Variants in MAP7D3 observed in about 807,000 individuals in gnomAD.
MAP7D3 encodes the protein MAP7 domain containing 3, also known as MAP7 domain-containing protein 3.
Under a neutral mutation model 62.2 loss-of-function variants are expected in MAP7D3, and 45 were observed. The ratio of observed to expected loss-of-function variants is 0.72; its 90% CI spans 0.57 to 0.93. The LOEUF (loss-of-function observed/expected upper bound fraction) is 0.93. Among genes scored for constraint, MAP7D3 ranks in the 40% least tolerant of loss-of-function variants. MAP7D3 has a pLI of 0.00. For synonymous variants in MAP7D3, 288 were observed against 248.8 expected (o/e 1.16, Z -1.48); for missense variants, 711 against 683.1 (o/e 1.04, Z -0.45).
At chrX:136,224,937 G>T in intron 13 of MAP7D3, 57 bp from the exon 14 acceptor site, 1 of 818,897 alleles carries the variant, frequency 1.2e-6, no homozygotes, top group Non-Finnish European at 1.8e-6. Flanking sequence ...CCAAACAGTT[G>T]TCCTAAAGGA....
chrX:136,250,283 C>T (rs1164653797), intron 1 of MAP7D3, among the ~76,000 whole-genome samples: 1 of 111,961 alleles, frequency 8.9e-6, no homozygotes, highest in Non-Finnish European at 1.9e-5. Context: ...AAAAAAACCC[C>T]TAAGAAATTC....
intron 1 of MAP7D3, among the ~76,000 whole-genome samples, chrX:136,250,236 C>G (rs2148425525): frequency 8.9e-6 from 1 of 111,991 alleles, no homozygotes; most frequent in South Asian, 3.7e-4. Context: ...ATATAGCTTC[C>G]CAATCGTAAA....
intron 7 of MAP7D3, among the ~76,000 whole-genome samples, chrX:136,234,066 G>A (rs1393204956): frequency 9.0e-6 from 1 of 110,632 alleles, no homozygotes; most frequent in Non-Finnish European, 1.9e-5. Context: ...AAAGAAATAA[G>A]GCTGCAGTAC....
chrX:136,242,602 G>A (rs2074402059), intron 4 of MAP7D3, among the ~76,000 whole-genome samples: 1 of 111,029 alleles, frequency 9.0e-6, no homozygotes, highest in Non-Finnish European at 1.9e-5. Context: ...CATGTCTGTG[G>A]CTCCCTTTCT....
upstream of MAP7D3, among the ~76,000 whole-genome samples, chrX:136,252,239 C>T (rs1031137961): frequency 1.8e-5 from 2 of 110,972 alleles, no homozygotes; most frequent in African/African-American, 3.3e-5. Flanking sequence ...GGGGCTGGAC[C>T]ACTTGTGAGA....
intron 11 of MAP7D3, among the ~76,000 whole-genome samples, chrX:136,227,756 G>A (rs748919337): frequency 9.0e-6 from 1 of 110,957 alleles, no homozygotes; most frequent in South Asian, 3.9e-4. Flanking sequence ...TTCTTTACAC[G>A]TGCTCACACC....
downstream of MAP7D3, chrX:136,213,523 T>C (rs892731993): frequency 1.4e-4 from 15 of 110,949 alleles, no homozygotes; most frequent in African/African-American, 4.6e-4. Flanking sequence ...ATTTCTACTT[T>C]GCAGAATCCC....
At chrX:136,226,045 C>T in intron 12 of MAP7D3, 32 bp from the exon 13 acceptor site, 1 of 967,124 alleles carries the variant, frequency 1.0e-6, no homozygotes, top group Non-Finnish European at 1.5e-6. Flanking sequence ...ATCATTCAAT[C>T]TCAAGATACC....
At chrX:136,241,612 T>G (rs1363427831) in intron 4 of MAP7D3, among the ~76,000 whole-genome samples, 1 of 111,603 alleles carries the variant, frequency 9.0e-6, no homozygotes, top group Non-Finnish European at 1.9e-5. Flanking sequence ...TATGTTTTAT[T>G]TGCCTATGTT....
chrX:136,235,739 A>G (rs1313863722), intron 7 of MAP7D3, among the ~76,000 whole-genome samples: 1 of 109,705 alleles, frequency 9.1e-6, no homozygotes, highest in East Asian at 2.8e-4. Context: ...ACAGAGCGAG[A>G]CTCTATTTCA....
chrX:136,256,322 C>A (rs1659055951), upstream of MAP7D3: 6 of 1,155,590 alleles, frequency 5.2e-6, no homozygotes, highest in Non-Finnish European at 5.7e-6. Flanking sequence ...CTGGTCATGT[C>A]TCACTTGGTT....
At position 136,230,810 on chromosome X, in the gene MAP7D3, T is replaced by A. The variant is rs774762438; in HGVS notation, c.1541+29A>T. The A allele has an allele frequency of 3.7e-5, 44 of 1,193,181 alleles. 1 individual carries two copies. In the South Asian group the frequency reaches 7.4e-4, roughly 20 times the overall value. On this transcript the variant is annotated intron_variant, in intron 9 of 18. Transcript: ENST00000316077. ...GGAATTTGTTCTAGTAAAACGCCTA[T>A]CAGGAACAGTTGCGAATAAGCTGCT...
At chrX:136,240,565 A>G in intron 5 of MAP7D3, 79 bp from the exon 6 acceptor site, 1 of 656,455 alleles carries the variant, frequency 1.5e-6, no homozygotes, top group East Asian at 3.3e-5. Context: ...ATGAGTTTTC[A>G]TGATATAGTT....
Position 136,219,625 on chromosome X carries a change from C to T in MAP7D3, c.2533G>A (p.Ala845Thr), listed in dbSNP as rs1469718469. ...MTSHTTKTRK[A>T]DETNTTSRSS... ...CTGCTGGTGGTGTTGGTTTCATCCG[C>T]CTTTCTGGTTTTCGTTGTGTGACTG... is the stretch of plus-strand genomic sequence containing the variant. The change falls in exon 17 of 19, where the codon GCG (alanine) becomes ACG (threonine). Residue 845 changes from alanine (A) to threonine (T), a missense_variant. By Grantham distance (58) the Ala-to-Thr change is moderately conservative. Coordinates refer to ENST00000316077, the MANE Select transcript of MAP7D3 (RefSeq NM_024597.4). 5 of 1,208,173 alleles carry T rather than the reference C, an allele frequency of 4.1e-6. No homozygotes were observed. The highest frequency in any genetic ancestry group is 5.6e-6 in the Non-Finnish European group (5 of 892,229).
chrX:136,248,484 C>A (rs1338718875), intron 1 of MAP7D3, among the ~76,000 whole-genome samples: 1 of 112,086 alleles, frequency 8.9e-6, no homozygotes, highest in Non-Finnish European at 1.9e-5. Flanking sequence ...ACTTAACATG[C>A]ATTTAAATGA....
At chrX:136,216,437 C>A (rs10126411), downstream of MAP7D3, among the ~76,000 whole-genome samples, 2 of 88,885 alleles carry the variant, frequency 2.3e-5, no homozygotes, top group South Asian at 6.0e-4. Context: ...AGAAAGAAGA[C>A]GAAGAGAAAA....
At position 136,225,967 on chromosome X, in the gene MAP7D3, T is replaced by C. The variant is rs377561911; in HGVS notation, c.2081A>G (p.Lys694Arg). 1.5e-4 allele frequency: 183 copies of C among 1,204,925 alleles called. No individual in the cohort carries two copies. The highest frequency in any genetic ancestry group is 2.0e-4 in the Non-Finnish European group (180 of 892,767). ...TAACATAATTCTCTCGTGTTCTTTCTTGCGTTTGTCAGCTTCCTCTTGAGC... is the reference window on the plus strand; with the variant it reads ...TAACATAATTCTCTCGTGTTCTTTCCTGCGTTTGTCAGCTTCCTCTTGAGC... ...IKAQEEADKR[K>R]KEHERIMLQN... Residue 694 changes from lysine (K) to arginine (R), a missense_variant, in exon 13 of 19, where the codon AAG (lysine) becomes AGG (arginine). By Grantham distance (26) the Lys-to-Arg change is conservative (BLOSUM62 2). Transcript: ENST00000316077.
intron 4 of MAP7D3, among the ~76,000 whole-genome samples, chrX:136,241,669 T>C (rs2074391526): frequency 9.0e-6 from 1 of 111,256 alleles, no homozygotes; most frequent in South Asian, 3.8e-4. Flanking sequence ...TTTTATCATC[T>C]GGTGTGGTAT....
At position 136,244,778 on chromosome X, in the gene MAP7D3, G is replaced by A. The variant is rs2074429329; in HGVS notation, c.271C>T (p.Leu91=). ...TTGGTCTTTCTTTCTTTTTCAAGTA[G>A]TTGTGTTTCTTTATTGGCTGAAATA... ...RQQDANKETQ[L]LEKERKTKLQ... Residue 91 remains leucine (L), a synonymous_variant, in exon 4 of 19, where the codon CTA becomes TTA. Transcript: ENST00000316077. The A allele has an allele frequency of 1.7e-6, 2 of 1,190,071 alleles. No individual in the cohort carries two copies. The highest frequency in any genetic ancestry group is 1.8e-5 in the African/African-American group (1 of 56,653).
Sources: allele counts gnomAD v4.1 joint callset (sites outside exome capture counted in the v4.1 genomes callset), GRCh38; gene constraint gnomAD v4.1.1; transcripts MANE v1.5; gene names NCBI Gene and HGNC (gene_info 2026-07-23, HGNC 2026-07-21).